The following MLC1 variants were observed in gnomAD, a reference collection of about 807,000 sequenced individuals.
MLC1 encodes the protein modulator of VRAC current 1, also known as membrane protein MLC1.
A neutral mutation model predicts 44.7 loss-of-function variants in MLC1; 32 were observed. That is an observed-to-expected ratio of 0.72 (90% CI 0.54 to 0.96). The LOEUF is 0.96. Ranked by LOEUF, MLC1 falls within the 40% of genes least tolerant of loss-of-function variation. The pLI is 0.00. For missense variants in MLC1, 459 were observed against 492.2 expected, an observed-to-expected ratio of 0.93 and a Z score of 0.64; for synonymous variants, 190 against 213.0, an observed-to-expected ratio of 0.89 and a Z score of 0.94.
In MLC1 at chr22:50,083,088, C is replaced by A; in HGVS notation, c.263G>T (p.Gly88Val). The A allele has an allele frequency of 6.2e-7, 1 of 1,614,044 alleles. No individual in the cohort carries two copies. Among genetic ancestry groups the A allele is most frequent in the Middle Eastern group, 1.6e-4 (1 of 6,062 alleles). Residue 88 changes from glycine (G) to valine (V), a missense_variant, in exon 3 of 12, where the codon GGC (glycine) becomes GTC (valine). Transcript: ENST00000311597. This position sits in a 1 kb window ranked among gnomAD's most constrained non-coding sequence, Gnocchi z 4.6. ...GGCGTGGAGGAAGCTGCTTACAGAG[C>A]CTGCAGCACAGCGCAAGTAATCCAT... Reference protein sequence around the residue: ...AEMDYLRCAAGSCIPSAIVSF... With the variant: ...AEMDYLRCAAVSCIPSAIVSF...
intron 11 of MLC1, among the ~76,000 whole-genome samples, chr22:50,063,458 C>G (rs3817814): frequency 0.13 from 17,756 of 141,446 alleles, 1,240 homozygotes; most frequent in South Asian, 0.23. Flanking sequence ...GGGTGACAGA[C>G]TGAGACTCCT....
Position 50,070,292 on chromosome 22 carries a change from G to A in MLC1, c.771+235C>T, listed in dbSNP as rs2076131. 0.1 allele frequency among the ~76,000 whole-genome samples: 15,379 copies of A among 152,288 alleles called. 950 individuals are homozygous for A. The highest frequency in any genetic ancestry group is 0.32 in the East Asian group (1,680 of 5,178). On this transcript the variant is annotated intron_variant, in intron 9 of 11. Coordinates refer to ENST00000311597, the MANE Select transcript of MLC1 (RefSeq NM_015166.4). The stretch of plus-strand genomic sequence containing the variant: ...CTTCCAAGGGTTAGGCACAGAGAGC[G>A]CTTCCAGTGTCTACACCACCTTGTT...
rs904337861 is a variant in MLC1, at chr22:50,070,711, G to A, written c.715-128C>T. On this transcript the variant is annotated intron_variant, in intron 8 of 11. Transcript: ENST00000311597. Reference sequence around the variant, plus strand: ...GCTGGCTTGCTGTGGGGGGCAGGGGGGATGGTGCAGTGCCCAAAGGCGCAG... The same window carrying A: ...GCTGGCTTGCTGTGGGGGGCAGGGGAGATGGTGCAGTGCCCAAAGGCGCAG... 5 of 997,386 alleles carry A rather than the reference G, an allele frequency of 5.0e-6. No homozygotes were observed. The South Asian group carries it at 5.5e-5, about 11-fold the overall frequency. 61.8% of individuals were successfully genotyped at this position (997,386 alleles called of 1,614,324 possible).
At chr22:50,075,646 G>A (rs1195075498) in intron 7 of MLC1, among the ~76,000 whole-genome samples, 1 of 150,488 alleles carries the variant, frequency 6.6e-6, no homozygotes, top group South Asian at 2.1e-4. Context: ...GGAGGCAGAG[G>A]TTGCAGTGAA....
chr22:50,074,445 A>T, intron 7 of MLC1, 113 bp from the exon 8 acceptor site: 1 of 967,398 alleles, frequency 1.0e-6, no homozygotes, highest in Non-Finnish European at 1.6e-6. Flanking sequence ...GGCTGGCCCC[A>T]GATCTAACCG....
chr22:50,080,124 G>A (rs979816766), intron 4 of MLC1, 105 bp from the exon 5 acceptor site: 6 of 1,052,676 alleles, frequency 5.7e-6, no homozygotes, highest in Non-Finnish European at 8.7e-6. Flanking sequence ...TCCTGATTAG[G>A]ACATAATGGT....
intron 8 of MLC1, among the ~76,000 whole-genome samples, chr22:50,071,071 G>A (rs769093958): frequency 4.0e-5 from 6 of 151,684 alleles, no homozygotes; most frequent in Non-Finnish European, 7.4e-5. Context: ...TCCTCATCAT[G>A]TTCTTTCTTT....
rs537457768 is a variant in MLC1 at position 50,076,894 on chromosome 22, C to T, written c.544G>A (p.Ala182Thr). 283 of 1,613,906 alleles carry T rather than the reference C, an allele frequency of 1.8e-4. 3 individuals are homozygous for T. The South Asian group carries it at 1.8e-3, about 10-fold the overall frequency. The stretch of plus-strand genomic sequence containing the variant: ...AATGGCACTTCGTCCAGAATGTTGG[C>T]GCTGTCAGACATGGAGCCCTACGAA... ...KKKKGSMSDS[A>T]NILDEVPFPA... The change falls in exon 7 of 12, where the codon GCC becomes ACC. Residue 182 changes from alanine to threonine, a missense_variant. By Grantham distance (58) the Ala-to-Thr change is moderately conservative. Coordinates refer to ENST00000311597, the MANE Select transcript of MLC1 (RefSeq NM_015166.4).
chr22:50,085,152 G>A, intron 1 of MLC1, 191 bp from the exon 2 acceptor site: 2 of 1,376,448 alleles, frequency 1.5e-6, no homozygotes, highest in Non-Finnish European at 1.9e-6. Context: ...AATAGTCTGG[G>A]TTCAGGGTGA....
chr22:50,074,429 C>G, intron 7 of MLC1, 97 bp from the exon 8 acceptor site: 1 of 1,118,702 alleles, frequency 8.9e-7, no homozygotes, highest in Non-Finnish European at 1.4e-6. Flanking sequence ...GGAGCAGGGT[C>G]CAGTGGGCTG....
intron 8 of MLC1, among the ~76,000 whole-genome samples, chr22:50,073,743 T>A (rs2061914256): frequency 6.6e-6 from 1 of 151,812 alleles, no homozygotes; most frequent in Non-Finnish European, 1.5e-5. Flanking sequence ...CTCAAAAAAA[T>A]AAATAAATAA....
intron 6 of MLC1, 130 bp downstream of exon 6, chr22:50,077,271 G>C (rs2062006995): frequency 2.3e-6 from 2 of 853,680 alleles, no homozygotes; most frequent in Admixed American, 4.1e-5. Context: ...ACCCAGGAGA[G>C]AGGGGTCTCA....
intron 7 of MLC1, 170 bp from the exon 8 acceptor site, chr22:50,074,502 C>G: frequency 1.5e-6 from 1 of 665,046 alleles, no homozygotes; most frequent in Non-Finnish European, 2.7e-6. Flanking sequence ...TGGCCCAGAC[C>G]CCCTCTGCCC....
rs11568181 is a variant in MLC1, at chr22:50,068,305, G to A, written c.894+128C>T. Reference sequence around the variant, plus strand: ...ACGGTCACCGCTGCCCAGGAACAGCGGAGGAGGTGCCTCCTGGAGCTGTCC... The same window carrying A: ...ACGGTCACCGCTGCCCAGGAACAGCAGAGGAGGTGCCTCCTGGAGCTGTCC... On this transcript the variant is annotated intron_variant, in intron 10 of 11. Transcript: ENST00000311597. The A allele has an allele frequency of 8.1e-3, 10,998 of 1,360,250 alleles. 119 individuals are homozygous for A. The highest frequency in any genetic ancestry group is 0.031 in the South Asian group (2,614 of 84,122). The allele number at this position is 1,360,250 out of a possible 1,614,324, so 84.3% of individuals were successfully genotyped here.
rs111520454 is a variant in MLC1, at chr22:50,064,114, C to T, written c.979G>A (p.Val327Met). The T allele has an allele frequency of 4.3e-6, 7 of 1,610,770 alleles. No individual in the cohort carries two copies. The highest frequency in any genetic ancestry group is 2.2e-5 in the East Asian group (1 of 44,850). ...AGCCTTGCACTGACCTTGAAGCGCA[C>T]GCACTGGATGGCGGTGCCCGTGTTG... ...GLNTGTAIQC[V>M]RFKVSARLQG... Residue 327 changes from valine (V) to methionine (M), a missense_variant, in exon 11 of 12, where the codon GTG (valine) becomes ATG (methionine). Coordinates refer to ENST00000311597, the MANE Select transcript of MLC1 (RefSeq NM_015166.4).
chr22:50,065,955 G>A (rs968170909), intron 10 of MLC1, among the ~76,000 whole-genome samples: 3 of 152,208 alleles, frequency 2.0e-5, no homozygotes, highest in Admixed American at 6.5e-5. Context: ...TGGGTTGACC[G>A]GGCAGTCAGG....
At chr22:50,065,717 T>C (rs1345279981) in intron 10 of MLC1, among the ~76,000 whole-genome samples, 2 of 152,200 alleles carry the variant, frequency 1.3e-5, no homozygotes, top group African/African-American at 4.8e-5. Flanking sequence ...GTGAGCACCT[T>C]CACGCCATTG....
In MLC1 at chr22:50,083,997, G is replaced by A. The variant is rs1421323072; in HGVS notation, c.177+729C>T. 6.6e-6 allele frequency among the ~76,000 whole-genome samples: 1 copy of A among 152,184 alleles called. No individual in the cohort carries two copies. The highest frequency in any genetic ancestry group is 1.5e-5 in the Non-Finnish European group (1 of 68,020). On this transcript the variant is annotated intron_variant, in intron 2 of 11. Coordinates refer to ENST00000311597, the MANE Select transcript of MLC1 (RefSeq NM_015166.4). This position sits in a 1 kb window ranked among gnomAD's most constrained non-coding sequence, Gnocchi z 4.6. ...GGCATGCTCAGGCCACGGGAGGTGGGCAGGACCACTGTGGGTGCTGCAGGG... is the reference window on the plus strand; with the variant it reads ...GGCATGCTCAGGCCACGGGAGGTGGACAGGACCACTGTGGGTGCTGCAGGG...
In MLC1 at chr22:50,076,860, C is replaced by T. The variant is rs775514234; in HGVS notation, c.578G>A (p.Arg193Gln). The change falls in exon 7 of 12, where the codon CGG becomes CAG. Residue 193 changes from arginine (R) to glutamine (Q), a missense_variant. Transcript: ENST00000311597. ...NILDEVPFPA[R>Q]VLKSYSVVEV... ...TCTTACTGAGTAAGATTTCAGGACC[C>T]GAGCAGGAAATGGCACTTCGTCCAG... The T allele has an allele frequency of 4.3e-6, 7 of 1,613,886 alleles. No individual in the cohort carries two copies. Among genetic ancestry groups the T allele is most frequent in the Middle Eastern group, 1.7e-4 (1 of 6,056 alleles).
Sources: gnomAD v4.1 joint callset for allele counts (sites outside exome capture counted in the v4.1 genomes callset) on GRCh38, gnomAD v4.1.1 for gene constraint, Gnocchi (gnomAD v3.1) non-coding constraint, MANE v1.5 for transcripts, NCBI Gene and HGNC (gene_info 2026-07-23, HGNC 2026-07-21) for gene names.